The following TMCO6 variants were observed in gnomAD, a reference collection of about 807,000 sequenced individuals.
TMCO6 encodes transmembrane and coiled-coil domain-containing protein 6.
In TMCO6, 47 loss-of-function variants were observed where a neutral mutation model predicts 61.8. That is an observed-to-expected ratio of 0.76 (90% confidence interval 0.60 to 0.97). The LOEUF (loss-of-function observed/expected upper bound fraction) is 0.97, where lower values mean the gene tolerates loss of function less well. Among genes scored for constraint, TMCO6 ranks in the 50% least tolerant of loss-of-function variants. TMCO6 has a pLI of 0.00. For synonymous variants in TMCO6, 261 were observed against 254.2 expected (o/e 1.03, Z -0.25); for missense variants, 557 against 601.6 (o/e 0.93, Z 0.78).
At chr5:140,645,481 C>T (rs1177246200), downstream of TMCO6, 4 of 1,439,764 alleles carry the variant, frequency 2.8e-6, no homozygotes, top group East Asian at 2.3e-5. Context: ...AAGTATTTTA[C>T]AGCACAAGCT....
the TMCO6 span, among the ~76,000 whole-genome samples, chr5:140,600,092 G>C: frequency 5.9e-5 from 9 of 151,964 alleles, no homozygotes; most frequent in African/African-American, 2.2e-4. Flanking sequence ...GCTCTTCCAG[G>C]CACTTCTCTC....
the TMCO6 span, among the ~76,000 whole-genome samples, chr5:140,601,232 C>T: frequency 3.3e-5 from 5 of 152,112 alleles, no homozygotes; most frequent in Admixed American, 3.3e-4. Context: ...CTAGAAATGT[C>T]CCTTTTCCAC....
chr5:140,618,316 C>T, the TMCO6 span, among the ~76,000 whole-genome samples: 2 of 151,902 alleles, frequency 1.3e-5, no homozygotes, highest in African/African-American at 2.4e-5. Context: ...GTAATCCCAG[C>T]TATTTGGGAG....
chr5:140,614,772 G>A, the TMCO6 span, among the ~76,000 whole-genome samples: 2 of 151,890 alleles, frequency 1.3e-5, no homozygotes, highest in Non-Finnish European at 2.9e-5. Flanking sequence ...CCGCCACCAC[G>A]CCTGGCTAAT....
At chr5:140,637,119 A>G (rs1028683039), upstream of TMCO6, among the ~76,000 whole-genome samples, 5 of 152,160 alleles carry the variant, frequency 3.3e-5, no homozygotes, top group Admixed American at 2.0e-4. Flanking sequence ...GCAGGCAGAG[A>G]AAACAGCTTG....
At chr5:140,613,442 A>G in the TMCO6 span, among the ~76,000 whole-genome samples, 1 of 148,482 alleles carries the variant, frequency 6.7e-6, no homozygotes. Flanking sequence ...CTCCTTTCAG[A>G]TGGGGTGACA....
chr5:140,614,881 A>T, the TMCO6 span, among the ~76,000 whole-genome samples: 1 of 152,192 alleles, frequency 6.6e-6, no homozygotes, highest in Non-Finnish European at 1.5e-5. Flanking sequence ...GATTACAGGC[A>T]TGAGCCACCT....
At chr5:140,644,297 T>C in intron 10 of TMCO6, 103 bp downstream of exon 10, 1 of 1,310,118 alleles carries the variant, frequency 7.6e-7, no homozygotes, top group Non-Finnish European at 1.1e-6. Context: ...CAGCAGGTGG[T>C]GGTGTGTGGC....
chr5:140,645,362 G>A lies in TMCO6; in HGVS notation c.*264G>A, dbSNP rs1163115052. On this transcript the variant is annotated 3_prime_UTR_variant, in exon 12 of 12. Coordinates refer to ENST00000394671, the MANE Select transcript of TMCO6 (RefSeq NM_018502.5). Reference sequence around the variant, plus strand: ...CCCTTCATGTTTGCTTCAGCAGCTGGTAGCTTTTGATGAGACAGAATAAAG... The same window carrying A: ...CCCTTCATGTTTGCTTCAGCAGCTGATAGCTTTTGATGAGACAGAATAAAG... 5.2e-6 allele frequency: 4 copies of A among 768,638 alleles called. No individual in the cohort carries two copies. The highest frequency in any genetic ancestry group is 4.0e-5 in the Admixed American group (2 of 49,670). 47.6% of individuals were successfully genotyped at this position (768,638 alleles called of 1,614,324 possible). A position where few individuals can be genotyped will look rare whatever the true frequency, so the allele number is the denominator to read the frequency against.
the TMCO6 span, among the ~76,000 whole-genome samples, chr5:140,615,532 G>T: frequency 6.6e-6 from 1 of 152,056 alleles, no homozygotes; most frequent in Non-Finnish European, 1.5e-5. Flanking sequence ...CATACATCCT[G>T]ATTTCAAAAC....
the TMCO6 span, among the ~76,000 whole-genome samples, chr5:140,602,968 G>T: frequency 6.6e-6 from 1 of 151,982 alleles, no homozygotes; most frequent in South Asian, 2.1e-4. Flanking sequence ...AATTAGCCAG[G>T]GTGAGCCGAG....
chr5:140,628,691 C>T, the TMCO6 span, among the ~76,000 whole-genome samples: 28 of 152,296 alleles, frequency 1.8e-4, no homozygotes, highest in East Asian at 3.3e-3. Context: ...CCACCCACCT[C>T]GGCCTTCCAA....
the TMCO6 span, among the ~76,000 whole-genome samples, chr5:140,628,607 T>G: frequency 1.3e-5 from 2 of 152,084 alleles, no homozygotes; most frequent in Non-Finnish European, 2.9e-5. Flanking sequence ...TCTGGCTAAT[T>G]TTTGTATTTG....
the TMCO6 span, among the ~76,000 whole-genome samples, chr5:140,601,229 T>C: frequency 2.9e-3 from 437 of 152,286 alleles, 1 homozygote; most frequent in African/African-American, 1.0e-2. Context: ...GTCCTAGAAA[T>C]GTCCCTTTTC....
At chr5:140,600,577 T>C in the TMCO6 span, among the ~76,000 whole-genome samples, 1 of 151,910 alleles carries the variant, frequency 6.6e-6, no homozygotes, top group Non-Finnish European at 1.5e-5. Flanking sequence ...GTGATTCTCC[T>C]GCCTCAGCCT....
At chr5:140,609,157 GGCTCAGTCGCCACCAC>G in the TMCO6 span, 1 of 153,374 alleles carries the variant, frequency 6.5e-6, no homozygotes, top group African/African-American at 2.4e-5. Flanking sequence ...AGAAAGCCCA[GGCTCAGTCGCCACCAC>G]CATGGGCACC....
chr5:140,642,747 T>G, intron 6 of TMCO6, 76 bp downstream of exon 6: 1 of 1,587,402 alleles, frequency 6.3e-7, no homozygotes, highest in East Asian at 2.2e-5. Context: ...CCTGAATGAT[T>G]TCCAAAGCTG....
the TMCO6 span, among the ~76,000 whole-genome samples, chr5:140,612,492 A>G: frequency 6.6e-6 from 1 of 151,982 alleles, no homozygotes; most frequent in East Asian, 1.9e-4. Context: ...GGCGCCCGCC[A>G]CGGCGCCCGG....
the TMCO6 span, among the ~76,000 whole-genome samples, chr5:140,630,155 G>A: frequency 4.9e-3 from 737 of 151,644 alleles, 13 homozygotes; most frequent in African/African-American, 0.017. Context: ...CACCACACCC[G>A]GCTAATTTTT....
Sources: gnomAD v4.1 joint callset for allele counts (sites outside exome capture counted in the v4.1 genomes callset) on GRCh38, gnomAD v4.1.1 for gene constraint, MANE v1.5 for transcripts, NCBI Gene and HGNC (gene_info 2026-07-23, HGNC 2026-07-21) for gene names.